NTNG1: variants seen among roughly 807,000 people sequenced by gnomAD.
The protein encoded by NTNG1 is netrin G1, also known as netrin-G1.
A neutral mutation model predicts 54.0 loss-of-function variants in NTNG1; 16 were observed. The observed-to-expected ratio is 0.30, with a 90% confidence interval of 0.20 to 0.45. The LOEUF is 0.45. Among genes scored for constraint, NTNG1 ranks in the 20% least tolerant of loss-of-function variants. The pLI, the probability that NTNG1 is intolerant of heterozygous loss-of-function variation, is 1.00. For synonymous variants in NTNG1, 255 were observed against 263.1 expected, an observed-to-expected ratio of 0.97 and a Z score of 0.30; for missense variants, 530 against 678.7, an observed-to-expected ratio of 0.78 and a Z score of 2.43.
intron 3 of NTNG1, among the ~76,000 whole-genome samples, chr1:107,336,040 C>A (rs559741850): frequency 4.6e-5 from 7 of 151,798 alleles, no homozygotes; most frequent in Non-Finnish European, 7.4e-5. Context: ...GAATCTCTAT[C>A]AAAATCCCAT....
At chr1:107,154,359 C>CT (rs1212663949) in intron 2 of NTNG1, among the ~76,000 whole-genome samples, 3 of 151,936 alleles carry the variant, frequency 2.0e-5, no homozygotes, top group East Asian at 3.9e-4. Flanking sequence ...AATCCCAGCA[C>CT]TTTGAGAGGC....
intron 4 of NTNG1, among the ~76,000 whole-genome samples, chr1:107,403,174 C>A (rs1673152159): frequency 6.6e-6 from 1 of 151,932 alleles, no homozygotes; most frequent in Admixed American, 6.6e-5. Context: ...AGGTTCTCAC[C>A]CCCCTAATTG....
At chr1:107,172,540 A>C (rs1360276228) in intron 2 of NTNG1, among the ~76,000 whole-genome samples, 1 of 152,202 alleles carries the variant, frequency 6.6e-6, no homozygotes, top group African/African-American at 2.4e-5. Context: ...TTTACCCTGC[A>C]TCCCATAATG....
At chr1:107,147,459 TTTGA>T (rs1177180620) in intron 1 of NTNG1, among the ~76,000 whole-genome samples, 1 of 149,002 alleles carries the variant, frequency 6.7e-6, no homozygotes, top group African/African-American at 2.4e-5. Flanking sequence ...TGGTTTTATT[TTTGA>T]TTTTTTTTTT....
Position 107,324,121 on chromosome 1 carries a change from A to T in NTNG1, c.247-161A>T, listed in dbSNP as rs559803045. 1.1e-3 allele frequency among the ~76,000 whole-genome samples: 160 copies of T among 151,564 alleles called. 1 individual carries two copies. The highest frequency in any genetic ancestry group is 3.3e-3 in the East Asian group (17 of 5,166). On this transcript the variant is annotated intron_variant, in intron 2 of 7. Transcript: ENST00000370068. ...AATTACCATATTGCTTTTTTTTTTT[A>T]AAAGCTATTAAAGAGGAGAATCCAG...
At chr1:107,453,664 G>T (rs2101499079) in intron 7 of NTNG1, among the ~76,000 whole-genome samples, 1 of 152,284 alleles carries the variant, frequency 6.6e-6, no homozygotes, top group Admixed American at 6.5e-5. Context: ...AGAGGAAAGT[G>T]GATGCCATGT....
intron 2 of NTNG1, among the ~76,000 whole-genome samples, chr1:107,249,980 T>C (rs1662482257): frequency 6.6e-6 from 1 of 152,200 alleles, no homozygotes; most frequent in African/African-American, 2.4e-5. Context: ...TCCTTCCCCA[T>C]GGTGACAGTC....
chr1:107,232,996 T>G (rs1009974311), intron 2 of NTNG1, among the ~76,000 whole-genome samples: 13 of 152,214 alleles, frequency 8.5e-5, no homozygotes, highest in African/African-American at 2.4e-4. Flanking sequence ...AATAATGTAA[T>G]TTTTATTAGC....
chr1:107,318,321 T>C (rs1283334488), intron 2 of NTNG1, among the ~76,000 whole-genome samples: 2 of 152,100 alleles, frequency 1.3e-5, no homozygotes, highest in Non-Finnish European at 2.9e-5. Flanking sequence ...TCCATTGTCA[T>C]AGTATCACAC....
chr1:107,315,889 G>C (rs1490240630), intron 2 of NTNG1, among the ~76,000 whole-genome samples: 1 of 152,108 alleles, frequency 6.6e-6, no homozygotes, highest in Non-Finnish European at 1.5e-5. Context: ...TTGAATGAAT[G>C]AATCAGTGAG....
chr1:107,215,638 A>G (rs1281877134), intron 2 of NTNG1, among the ~76,000 whole-genome samples: 4 of 151,946 alleles, frequency 2.6e-5, no homozygotes, highest in African/African-American at 9.7e-5. Flanking sequence ...TTGTTGTTCC[A>G]TATGAATTTT....
Position 107,323,570 on chromosome 1 carries a change from T to C in NTNG1, c.247-712T>C, listed in dbSNP as rs144184420. Among the ~76,000 whole-genome samples the C allele has an allele frequency of 2.6e-3, 403 of 152,218 alleles. 2 individuals carry two copies. Among genetic ancestry groups the C allele is most frequent in the African/African-American group, 9.1e-3 (380 of 41,558 alleles). ...CCTAACTGAGTAGTACGTTTTCTTG[T>C]CCTGATAACTTGGAGCACACTCCCA... On this transcript the variant is annotated intron_variant, in intron 2 of 7. Coordinates refer to ENST00000370068, the MANE Select transcript of NTNG1 (RefSeq NM_001113226.3).
At chr1:107,358,707 C>T (rs1670087538) in intron 3 of NTNG1, among the ~76,000 whole-genome samples, 1 of 151,704 alleles carries the variant, frequency 6.6e-6, no homozygotes, top group Non-Finnish European at 1.5e-5. Context: ...CTACAAGCTG[C>T]TGTTGCTTAA....
At chr1:107,324,135 A>G in intron 2 of NTNG1, 147 bp from the exon 3 acceptor site, 1 of 696,588 alleles carries the variant, frequency 1.4e-6, no homozygotes, top group South Asian at 1.8e-5. Flanking sequence ...GCTATTAAAG[A>G]GGAGAATCCA....
In NTNG1 at chr1:107,442,940, T is replaced by TA. The variant is rs1436817031; in HGVS notation, c.1390+6142dup. Among the ~76,000 whole-genome samples, 4 of 152,262 alleles carry TA rather than the reference T, an allele frequency of 2.6e-5. No homozygotes were observed. In the East Asian group the frequency reaches 5.8e-4, roughly 22 times the overall value. ...TTTCAATTTAGCATTTTCCAACAGT[T>TA]ACGCTTTCTAGGTGTCTGAGAATAT... On this transcript the variant is annotated intron_variant, in intron 7 of 7. Coordinates refer to ENST00000370068, the MANE Select transcript of NTNG1 (RefSeq NM_001113226.3).
At chr1:107,264,760 T>C (rs928726536) in intron 2 of NTNG1, among the ~76,000 whole-genome samples, 1 of 152,190 alleles carries the variant, frequency 6.6e-6, no homozygotes, top group Non-Finnish European at 1.5e-5. Context: ...TTTGGCCCCA[T>C]CTGTGGTTAG....
chr1:107,469,082 ATC>A (rs1677797699), intron 7 of NTNG1, among the ~76,000 whole-genome samples: 1 of 141,412 alleles, frequency 7.1e-6, no homozygotes. Flanking sequence ...GGGTGACAGG[ATC>A]AAAACTCCAT....
chr1:107,224,140 A>T (rs1433282072), intron 2 of NTNG1, among the ~76,000 whole-genome samples: 1 of 152,174 alleles, frequency 6.6e-6, no homozygotes, highest in Non-Finnish European at 1.5e-5. Flanking sequence ...GTCAAGGGTC[A>T]CCAAAACAAA....
chr1:107,445,274 C>T (rs879586469), intron 7 of NTNG1, among the ~76,000 whole-genome samples: 2 of 152,122 alleles, frequency 1.3e-5, no homozygotes, highest in Admixed American at 6.6e-5. Flanking sequence ...GCTCAATCAT[C>T]AGCCTTTGAA....
Sources: gnomAD v4.1 joint callset for allele counts (sites outside exome capture counted in the v4.1 genomes callset) on GRCh38, gnomAD v4.1.1 for gene constraint, MANE v1.5 for transcripts, NCBI Gene and HGNC (gene_info 2026-07-23, HGNC 2026-07-21) for gene names.